Variants in SMIM3 observed in about 807,000 individuals in gnomAD.
SMIM3 encodes the protein small integral membrane protein 3, also known as NGF-induced differentiation clone 67 protein.
A neutral mutation model predicts 2.1 loss-of-function variants in SMIM3; 4 were observed. The ratio of observed to expected loss-of-function variants is 1.89; its 90% CI spans 0.93 to 4.31. The LOEUF is 4.31. Ranked by LOEUF, SMIM3 falls within the 30% of genes most tolerant of loss-of-function variation. SMIM3 has a pLI of 0.01. For missense variants in SMIM3, 79 were observed against 77.7 expected, an observed-to-expected ratio of 1.02 and a Z score of -0.06; for synonymous variants, 29 against 30.8, an observed-to-expected ratio of 0.94 and a Z score of 0.19.
chr5:150,793,688 C>T (rs1753371364), intron 1 of SMIM3, among the ~76,000 whole-genome samples: 1 of 152,196 alleles, frequency 6.6e-6, no homozygotes, highest in Non-Finnish European at 1.5e-5. Context: ...GGATTAAGGA[C>T]TTAACTCTAT....
intron 1 of SMIM3, 50 bp downstream of exon 1, chr5:150,779,022 C>G (rs989688011): frequency 2.1e-6 from 1 of 470,946 alleles, no homozygotes; most frequent in East Asian, 6.8e-5. Context: ...CAGAGCGGAG[C>G]TCTTCGGATT....
Position 150,778,815 on chromosome 5 carries a change from T to A in SMIM3, c.-169T>A, listed in dbSNP as rs768178133. On this transcript the variant is annotated 5_prime_UTR_variant, in exon 1 of 2. Transcript: ENST00000526627. ...CCTGCGCTCTCCCGCCTCCCGGGGCTCGGAGGAGCCGGGGCACGTTCCAGG... is the reference window on the plus strand; with the variant it reads ...CCTGCGCTCTCCCGCCTCCCGGGGCACGGAGGAGCCGGGGCACGTTCCAGG... The A allele has an allele frequency of 1.5e-5, 7 of 473,076 alleles. No individual in the cohort carries two copies. In the Admixed American group the frequency reaches 1.6e-4, roughly 11 times the overall value. The allele number at this position is 473,076 out of a possible 1,614,324, so 29.3% of individuals were successfully genotyped here.
At chr5:150,783,096 G>A (rs1013623503) in intron 1 of SMIM3, among the ~76,000 whole-genome samples, 1 of 152,186 alleles carries the variant, frequency 6.6e-6, no homozygotes, top group Admixed American at 6.5e-5. Context: ...TTACTAAAAC[G>A]TAACATTTAG....
chr5:150,787,095 C>T (rs1431486437), intron 1 of SMIM3, among the ~76,000 whole-genome samples: 1 of 152,114 alleles, frequency 6.6e-6, no homozygotes, highest in Non-Finnish European at 1.5e-5. Context: ...TCTTGGACTC[C>T]AACTTTTGTC....
At chr5:150,780,261 G>A (rs1419696423) in intron 1 of SMIM3, among the ~76,000 whole-genome samples, 1 of 152,142 alleles carries the variant, frequency 6.6e-6, no homozygotes, top group Non-Finnish European at 1.5e-5. Context: ...ACATGGGAGT[G>A]GAACAGATGT....
intron 1 of SMIM3, among the ~76,000 whole-genome samples, chr5:150,786,891 T>C (rs1004235243): frequency 2.0e-5 from 3 of 152,240 alleles, no homozygotes; most frequent in African/African-American, 7.2e-5. Context: ...TGATATTGCC[T>C]CCAGAGAGGA....
In SMIM3 at chr5:150,796,449, T is replaced by A. The variant is rs1753410113; in HGVS notation, c.*826T>A. On this transcript the variant is annotated 3_prime_UTR_variant, in exon 2 of 2. Coordinates refer to ENST00000526627, the MANE Select transcript of SMIM3 (RefSeq NM_032947.5). ...ACCCCCTTCACTCCCTCCCACCAGC[T>A]CTGCAGCCAGCCTATGGCAATTATA... 3 of 152,304 alleles carry A rather than the reference T, an allele frequency of 2.0e-5. No individual in the cohort carries two copies. The highest frequency in any genetic ancestry group is 1.3e-4 in the Admixed American group (2 of 15,276). 9.4% of individuals were successfully genotyped at this position (152,304 alleles called of 1,614,324 possible). A position where few individuals can be genotyped will look rare whatever the true frequency, so the allele number is the denominator to read the frequency against.
chr5:150,785,653 G>C (rs1753284294), intron 1 of SMIM3, among the ~76,000 whole-genome samples: 1 of 144,316 alleles, frequency 6.9e-6, no homozygotes, highest in South Asian at 2.1e-4. Flanking sequence ...TGCCATCTTG[G>C]CACACTGCAA....
In SMIM3 at chr5:150,784,455, A is replaced by G. The variant is rs1753269762; in HGVS notation, c.-12+5483A>G. Among the ~76,000 whole-genome samples the G allele has an allele frequency of 1.3e-5, 2 of 152,132 alleles. 1 individual carries two copies. Among genetic ancestry groups the G allele is most frequent in the South Asian group, 4.1e-4 (2 of 4,830 alleles). On this transcript the variant is annotated intron_variant, in intron 1 of 1. Coordinates refer to ENST00000526627, the MANE Select transcript of SMIM3 (RefSeq NM_032947.5). ...TTCTGCTCATCCTGCCTTTCCCCACAAGATCTGAGAGAGACATCTTGAAAT... is the reference window on the plus strand; with the variant it reads ...TTCTGCTCATCCTGCCTTTCCCCACGAGATCTGAGAGAGACATCTTGAAAT...
intron 1 of SMIM3, among the ~76,000 whole-genome samples, chr5:150,783,375 A>ATT (rs1753256321): frequency 1.3e-5 from 2 of 152,238 alleles, no homozygotes; most frequent in African/African-American, 4.8e-5. Flanking sequence ...CAATGCTGGC[A>ATT]AACCCTCTAG....
At chr5:150,786,798 T>G (rs1753298174) in intron 1 of SMIM3, among the ~76,000 whole-genome samples, 1 of 152,210 alleles carries the variant, frequency 6.6e-6, no homozygotes, top group African/African-American at 2.4e-5. Flanking sequence ...TTTATCATCC[T>G]GTCTTTTTGC....
At chr5:150,785,775 G>C (rs1261304958) in intron 1 of SMIM3, among the ~76,000 whole-genome samples, 1 of 151,634 alleles carries the variant, frequency 6.6e-6, no homozygotes, top group African/African-American at 2.4e-5. Flanking sequence ...TAGAGACAGG[G>C]TTTCACCATG....
Position 150,778,914 on chromosome 5 carries a change from T to C in SMIM3, c.-70T>C. 1 of 512,656 alleles carries C rather than the reference T, an allele frequency of 2.0e-6. No individual in the cohort carries two copies. The highest frequency in any genetic ancestry group is 4.0e-6 in the Non-Finnish European group (1 of 250,436). 31.8% of individuals were successfully genotyped at this position (512,656 alleles called of 1,614,324 possible). A position where few individuals can be genotyped will look rare whatever the true frequency, so the allele number is the denominator to read the frequency against. ...AGATCCCGTGCAGTCCTGGGGACCCTGAGAAGCACCGAGCCATCCCTGACC... is the reference window on the plus strand; with the variant it reads ...AGATCCCGTGCAGTCCTGGGGACCCCGAGAAGCACCGAGCCATCCCTGACC... On this transcript the variant is annotated 5_prime_UTR_variant, in exon 1 of 2. Transcript: ENST00000526627.
intron 1 of SMIM3, among the ~76,000 whole-genome samples, chr5:150,789,456 A>G (rs1753326627): frequency 6.6e-6 from 1 of 152,204 alleles, no homozygotes; most frequent in Non-Finnish European, 1.5e-5. Flanking sequence ...AGTTTCGAGA[A>G]GAGTGAAACA....
chr5:150,794,907 C>T (rs1038442500), intron 1 of SMIM3, among the ~76,000 whole-genome samples: 2 of 152,052 alleles, frequency 1.3e-5, no homozygotes, highest in African/African-American at 2.4e-5. Flanking sequence ...AGTGTCCCAA[C>T]GAAACCACAC....
At chr5:150,795,391 G>C (rs1231265517) in intron 1 of SMIM3, 39 bp from the exon 2 acceptor site, 1 of 1,604,518 alleles carries the variant, frequency 6.2e-7, no homozygotes, top group African/African-American at 1.3e-5. Context: ...GGCAGGGAGA[G>C]AGTACGCAAC....
intron 1 of SMIM3, among the ~76,000 whole-genome samples, chr5:150,790,725 C>T (rs938100181): frequency 4.6e-5 from 7 of 152,122 alleles, no homozygotes; most frequent in South Asian, 2.1e-4. Context: ...TCTGGCTGCA[C>T]GTTGGAATCA....
rs1753399016 is a variant in SMIM3, at chr5:150,795,789, C to T, written c.*166C>T. 1.4e-6 allele frequency: 1 copy of T among 693,838 alleles called. No individual in the cohort carries two copies. The highest frequency in any genetic ancestry group is 1.8e-5 in the African/African-American group (1 of 55,428). 43.0% of individuals were successfully genotyped at this position (693,838 alleles called of 1,614,324 possible). ...GAATTTGGTCAAGGGACCTAACTCTCTGAGTTCCAGGTTCCTTATCTTTCA... is the reference window on the plus strand; with the variant it reads ...GAATTTGGTCAAGGGACCTAACTCTTTGAGTTCCAGGTTCCTTATCTTTCA... On this transcript the variant is annotated 3_prime_UTR_variant, in exon 2 of 2. Transcript: ENST00000526627.
In SMIM3 at chr5:150,795,515, C is replaced by T. The variant is rs758089499; in HGVS notation, c.75C>T (p.Leu25=). The T allele has an allele frequency of 4.7e-5, 76 of 1,613,274 alleles. No individual in the cohort carries two copies. The highest frequency in any genetic ancestry group is 6.7e-5 in the East Asian group (3 of 44,898). The change falls in exon 2 of 2, where the codon CTC becomes CTT. Residue 25 remains leucine, a synonymous_variant. Coordinates refer to ENST00000526627, the MANE Select transcript of SMIM3 (RefSeq NM_032947.5). The stretch of plus-strand genomic sequence containing the variant: ...TCCTGGATATCTGGGTTATTGTCCT[C>T]ATCATCCTGGCCACCATTGTCATCA... ...KHILDIWVIV[L]IILATIVIMT...
Sources: allele counts gnomAD v4.1 joint callset (sites outside exome capture counted in the v4.1 genomes callset), GRCh38; gene constraint gnomAD v4.1.1; transcripts MANE v1.5; gene names NCBI Gene and HGNC (gene_info 2026-07-23, HGNC 2026-07-21).